Variants in SGCZ observed in about 807,000 individuals in gnomAD.
The protein encoded by SGCZ is zeta-sarcoglycan.
In SGCZ, 40 loss-of-function variants were observed where a neutral mutation model predicts 41.3. That is an observed-to-expected ratio of 0.97 (90% CI 0.75 to 1.26). The LOEUF is 1.26. SGCZ is among the 50% of genes most tolerant of loss of function. The pLI, the probability that SGCZ is intolerant of heterozygous loss-of-function variation, is 0.00. For synonymous variants in SGCZ, 206 were observed against 137.5 expected, an observed-to-expected ratio of 1.50 and a Z score of -3.49; for missense variants, 552 against 369.8, an observed-to-expected ratio of 1.49 and a Z score of -4.04.
At chr8:14,288,598 C>A (rs1800727093) in intron 3 of SGCZ, among the ~76,000 whole-genome samples, 1 of 152,060 alleles carries the variant, frequency 6.6e-6, no homozygotes, top group Admixed American at 6.6e-5. Context: ...TGTTGAAATG[C>A]CATATTATGT....
chr8:15,190,385 C>A (rs904515064), intron 1 of SGCZ, among the ~76,000 whole-genome samples: 4 of 150,312 alleles, frequency 2.7e-5, no homozygotes, highest in African/African-American at 9.7e-5. Flanking sequence ...GTATTTTGCA[C>A]CTACCATGCA....
Position 14,085,055 on chromosome 8 carries a change from G to C in SGCZ, c.*5388C>G, listed in dbSNP as rs1440218289. Among the ~76,000 whole-genome samples the C allele has an allele frequency of 1.3e-5, 2 of 151,594 alleles. No individual in the cohort carries two copies. The highest frequency in any genetic ancestry group is 4.8e-5 in the African/African-American group (2 of 41,338). Reference sequence around the variant, plus strand: ...CTCCCCCAAAATATACCCCAATTAAGTTCCATCTAAACAAAAGATACAATA... The same window carrying C: ...CTCCCCCAAAATATACCCCAATTAACTTCCATCTAAACAAAAGATACAATA... On this transcript the variant is annotated 3_prime_UTR_variant, in exon 8 of 8. Transcript: ENST00000382080.
chr8:14,959,940 G>A (rs1024841511), intron 1 of SGCZ, among the ~76,000 whole-genome samples: 4 of 152,080 alleles, frequency 2.6e-5, no homozygotes, highest in African/African-American at 9.7e-5. Context: ...ATTACCATGG[G>A]GCTGAGCAAC....
intron 1 of SGCZ, among the ~76,000 whole-genome samples, chr8:15,044,477 G>T (rs1375430957): frequency 6.6e-6 from 1 of 152,068 alleles, no homozygotes; most frequent in Non-Finnish European, 1.5e-5. Flanking sequence ...TAGATGAAAA[G>T]AAATATTTTC....
At chr8:14,095,264 G>GT (rs1211702683) in intron 7 of SGCZ, among the ~76,000 whole-genome samples, 2 of 152,002 alleles carry the variant, frequency 1.3e-5, no homozygotes, top group African/African-American at 4.8e-5. Context: ...TAGGTATTAT[G>GT]TTTAAGTTTT....
chr8:14,808,746 C>G (rs1188623805), intron 1 of SGCZ, among the ~76,000 whole-genome samples: 2 of 151,756 alleles, frequency 1.3e-5, no homozygotes, highest in East Asian at 1.9e-4. Context: ...ACCCAAAGAA[C>G]TATAAATCAT....
At chr8:14,719,188 AT>A (rs1334406906) in intron 1 of SGCZ, among the ~76,000 whole-genome samples, 54 of 149,556 alleles carry the variant, frequency 3.6e-4, no homozygotes, top group Non-Finnish European at 7.5e-4. Flanking sequence ...TGAACTCATC[AT>A]TTTTTATGGC....
chr8:15,042,720 T>C (rs1804151747), intron 1 of SGCZ, among the ~76,000 whole-genome samples: 1 of 152,174 alleles, frequency 6.6e-6, no homozygotes, highest in Admixed American at 6.5e-5. Flanking sequence ...TATAAATTTA[T>C]ATTTAAGATG....
chr8:15,198,655 A>T (rs1800805902), intron 1 of SGCZ, among the ~76,000 whole-genome samples: 1 of 152,186 alleles, frequency 6.6e-6, no homozygotes, highest in Non-Finnish European at 1.5e-5. Context: ...AACCCTTAAT[A>T]ACAATAGTAA....
intron 1 of SGCZ, among the ~76,000 whole-genome samples, chr8:15,235,677 T>C (rs1307343798): frequency 2.0e-5 from 3 of 152,142 alleles, no homozygotes; most frequent in Admixed American, 6.5e-5. Flanking sequence ...TAAACAACAA[T>C]GTATTGGCAC....
intron 7 of SGCZ, among the ~76,000 whole-genome samples, chr8:14,094,977 G>A (rs1563122299): frequency 4.3e-5 from 3 of 69,416 alleles, no homozygotes; most frequent in African/African-American, 1.5e-4. Flanking sequence ...ACTTTTTGAT[G>A]GTTTTTTTTT....
chr8:14,427,049 T>TGAATGAGTGAATGAACGAAC (rs1554516808), intron 2 of SGCZ, among the ~76,000 whole-genome samples: 115 of 143,320 alleles, frequency 8.0e-4, no homozygotes, highest in African/African-American at 2.7e-3. Flanking sequence ...AATGAATGAA[T>TGAATGAGTGAATGAACGAAC]GAATGAATGA....
chr8:14,249,834 C>T (rs887279742), intron 3 of SGCZ, among the ~76,000 whole-genome samples: 11 of 152,052 alleles, frequency 7.2e-5, no homozygotes, highest in Non-Finnish European at 1.5e-4. Context: ...ATAAACCAAG[C>T]CCCTGAGCCT....
intron 2 of SGCZ, among the ~76,000 whole-genome samples, chr8:14,459,128 G>T (rs568803615): frequency 1.3e-3 from 203 of 152,254 alleles, no homozygotes; most frequent in African/African-American, 4.7e-3. Context: ...CTACATGGAT[G>T]AAGCTGGAAA....
chr8:14,562,859 C>T (rs58521154), intron 1 of SGCZ, among the ~76,000 whole-genome samples: 2,912 of 152,044 alleles, frequency 0.019, 72 homozygotes, highest in African/African-American at 0.061. Context: ...ATTGAAGTGA[C>T]GAAGCTGGGA....
intron 1 of SGCZ, among the ~76,000 whole-genome samples, chr8:14,842,932 C>T (rs948838288): frequency 6.6e-6 from 1 of 152,144 alleles, no homozygotes; most frequent in Non-Finnish European, 1.5e-5. Flanking sequence ...AGAACCCTTG[C>T]CTGGGCACGG....
chr8:14,415,970 G>A (rs1310484722), intron 2 of SGCZ, among the ~76,000 whole-genome samples: 1 of 151,846 alleles, frequency 6.6e-6, no homozygotes, highest in Non-Finnish European at 1.5e-5. Flanking sequence ...ATGGAAACAT[G>A]CTTATTTATT....
chr8:15,003,301 GAACTGTGAGTCAATTA>G lies in SGCZ; in HGVS notation c.39+234268_39+234283del, dbSNP rs201983433. Reference sequence around the variant, plus strand: ...GCTGAAATAGAATGAGAACTGAGTGGAACTGTGAGTCAATTAAACCTCTTTTTATGTATAAATTACT... The same window carrying G: ...GCTGAAATAGAATGAGAACTGAGTGGAACCTCTTTTTATGTATAAATTACT... On this transcript the variant is annotated intron_variant, in intron 1 of 7. Coordinates refer to ENST00000382080, the MANE Select transcript of SGCZ (RefSeq NM_139167.4). 4.3e-4 allele frequency among the ~76,000 whole-genome samples: 66 copies of G among 152,134 alleles called. 1 individual carries two copies. The East Asian group carries it at 0.013, about 30-fold the overall frequency.
At chr8:14,792,699 T>C (rs980461731) in intron 1 of SGCZ, among the ~76,000 whole-genome samples, 3 of 152,122 alleles carry the variant, frequency 2.0e-5, no homozygotes, top group Non-Finnish European at 4.4e-5. Context: ...GTATATGTCC[T>C]AATGCATCTT....
Sources: allele counts gnomAD v4.1 joint callset (sites outside exome capture counted in the v4.1 genomes callset), GRCh38; gene constraint gnomAD v4.1.1; transcripts MANE v1.5; gene names NCBI Gene and HGNC (gene_info 2026-07-23, HGNC 2026-07-21).